Variants in TSBP1 observed in about 807,000 individuals in gnomAD.
TSBP1 encodes testis expressed basic protein 1, also known as testis-expressed basic protein 1.
A neutral mutation model predicts 68.8 loss-of-function variants in TSBP1; 56 were observed. That is an observed-to-expected ratio of 0.81 (90% CI 0.66 to 1.02). The LOEUF is 1.02. Among genes scored for constraint, TSBP1 ranks in the 50% least tolerant of loss-of-function variants. TSBP1 has a pLI of 0.00. For synonymous variants in TSBP1, 171 were observed against 208.7 expected, an observed-to-expected ratio of 0.82 and a Z score of 1.56; for missense variants, 502 against 641.2, an observed-to-expected ratio of 0.78 and a Z score of 2.34.
intron 1 of TSBP1, among the ~76,000 whole-genome samples, chr6:32,370,623 C>T (rs3117111): frequency 0.77 from 116,335 of 151,502 alleles, 44,940 homozygotes; most frequent in South Asian, 0.9. Context: ...AACCTTTCAG[C>T]CATCACTTGC....
chr6:32,327,969 T>A (rs975986270), intron 16 of TSBP1, among the ~76,000 whole-genome samples: 2 of 151,536 alleles, frequency 1.3e-5, no homozygotes, highest in African/African-American at 2.4e-5. Flanking sequence ...TTATTATTTT[T>A]TTTTTTTTGT....
At chr6:32,328,382 A>C (rs1277937894) in intron 16 of TSBP1, among the ~76,000 whole-genome samples, 1 of 148,022 alleles carries the variant, frequency 6.8e-6, no homozygotes, top group African/African-American at 2.5e-5. Flanking sequence ...TGAGTAGCTG[A>C]GATTACAGGC....
At chr6:32,320,112 T>G in intron 18 of TSBP1, 1 of 455,016 alleles carries the variant, frequency 2.2e-6, no homozygotes, top group Non-Finnish European at 4.4e-6. Context: ...CTTTTAGTAG[T>G]TTCTTATTCC....
At chr6:32,366,075 T>A (rs1362866535) in intron 6 of TSBP1, 92 bp downstream of exon 6, 1 of 1,540,230 alleles carries the variant, frequency 6.5e-7, no homozygotes, top group African/African-American at 1.4e-5. Flanking sequence ...TCTTCTTTTT[T>A]AAATTTTGGT....
chr6:32,323,046 A>G lies in TSBP1; in HGVS notation c.559+71T>C, dbSNP rs1206707669. The G allele has an allele frequency of 1.0e-5, 12 of 1,166,176 alleles. No individual in the cohort carries two copies. The East Asian group carries it at 2.8e-4, about 28-fold the overall frequency. The allele number at this position is 1,166,176 out of a possible 1,614,324, so 72.2% of individuals were successfully genotyped here. ...AAGCAAGAGAAGAATGGGAAACTCA[A>G]ATCACTTTGACAGAAGTGAAATGAA... On this transcript the variant is annotated intron_variant, in intron 18 of 22. Coordinates refer to ENST00000612031, the Ensembl canonical transcript of TSBP1.
rs1765802984 is a variant in TSBP1 at position 32,306,599 on chromosome 6, G to A, written c.581-3970C>T. On this transcript the variant is annotated intron_variant, in intron 19 of 22. Coordinates refer to ENST00000612031, the Ensembl canonical transcript of TSBP1. This position sits in a 1 kb window ranked among gnomAD's most constrained non-coding sequence, Gnocchi z 5.1. The stretch of plus-strand genomic sequence containing the variant: ...ATGTGTATCAATATTGTAAAAATCA[G>A]CACTAAAATTGTTTCCATTAGGAAG... Among the ~76,000 whole-genome samples, 1 of 152,116 alleles carries A rather than the reference G, an allele frequency of 6.6e-6. No individual in the cohort carries two copies. The highest frequency in any genetic ancestry group is 1.5e-5 in the Non-Finnish European group (1 of 68,018).
Position 32,336,686 on chromosome 6 carries a change from T to A in TSBP1, c.410-51A>T. On this transcript the variant is annotated intron_variant, in intron 11 of 22. Coordinates refer to ENST00000612031, the Ensembl canonical transcript of TSBP1. This position sits in a 1 kb window ranked among gnomAD's most constrained non-coding sequence, Gnocchi z 5.2. ...TGGTTTGACATTAATAGAATTTTCA[T>A]TTTACCAGTATTGTTTCTAAAGAAA... 6.5e-7 allele frequency: 1 copy of A among 1,548,026 alleles called. No individual in the cohort carries two copies. The highest frequency in any genetic ancestry group is 8.9e-7 in the Non-Finnish European group (1 of 1,121,538).
At chr6:32,330,466 G>A (rs753463151) in intron 16 of TSBP1, 123 bp downstream of exon 17, 57 of 807,004 alleles carry the variant, frequency 7.1e-5, no homozygotes, top group Non-Finnish European at 9.7e-5. Context: ...ATAAAAACAT[G>A]TGTAAAATAA....
At chr6:32,342,050 CTTT>C (rs10689236) in intron 9 of TSBP1, among the ~76,000 whole-genome samples, 1 of 120,304 alleles carries the variant, frequency 8.3e-6, no homozygotes, top group African/African-American at 2.8e-5. Flanking sequence ...AAAATGTGTT[CTTT>C]TTTTTTTTTT....
rs139319191 is a variant in TSBP1 at position 32,304,191 on chromosome 6, A to AAAAG, written c.581-1566_581-1563dup. On this transcript the variant is annotated intron_variant, in intron 19 of 22. Transcript: ENST00000612031. The surrounding 1 kb of genome is among the most constrained non-coding windows in gnomAD (Gnocchi z 4.8). ...AAGAAGAAAGAACGAGCGAATGAAC[A>AAAAG]AAAGAAAGAAAGAAAGAAAGACCCA... 5.3e-5 allele frequency among the ~76,000 whole-genome samples: 8 copies of AAAAG among 151,902 alleles called. No homozygotes were observed. Among genetic ancestry groups the AAAAG allele is most frequent in the African/African-American group, 7.3e-5 (3 of 41,330 alleles).
Position 32,343,483 on chromosome 6 carries a change from T to C in TSBP1, c.350-3845A>G, listed in dbSNP as rs1171165129. 6.6e-6 allele frequency among the ~76,000 whole-genome samples: 1 copy of C among 152,170 alleles called. No homozygotes were observed. Among genetic ancestry groups the C allele is most frequent in the South Asian group, 2.1e-4 (1 of 4,822 alleles). On this transcript the variant is annotated intron_variant, in intron 9 of 22. Transcript: ENST00000612031. This position sits in a 1 kb window ranked among gnomAD's most constrained non-coding sequence, Gnocchi z 4.3. ...AGGGGAATATTCAGCTTTACTATAT[T>C]TCCAATATTCTGATTTCATTCACCA... is the stretch of plus-strand genomic sequence containing the variant.
At position 32,335,403 on chromosome 6, in the gene TSBP1, A is replaced by G. The variant is rs1015657384; in HGVS notation, c.472+34T>C. 1.0e-5 allele frequency: 15 copies of G among 1,505,900 alleles called. No homozygotes were observed. Among genetic ancestry groups the G allele is most frequent in the African/African-American group, 1.4e-5 (1 of 69,100 alleles). 93.3% of individuals were successfully genotyped at this position (1,505,900 alleles called of 1,614,324 possible). A position where few individuals can be genotyped will look rare whatever the true frequency, so the allele number is the denominator to read the frequency against. ...AGATTGATGTTCTAAGTAAAGTACT[A>G]AAAGGCATTATAATTGAGAATCAGA... On this transcript the variant is annotated intron_variant, in intron 14 of 22. Transcript: ENST00000612031. The surrounding 1 kb of genome is among the most constrained non-coding windows in gnomAD (Gnocchi z 5.5).
chr6:32,308,813 A>G (rs1221229668), intron 19 of TSBP1, among the ~76,000 whole-genome samples: 1 of 152,046 alleles, frequency 6.6e-6, no homozygotes, highest in African/African-American at 2.4e-5. Flanking sequence ...TAATCAGTAC[A>G]TCTGACCTTT....
In TSBP1 at chr6:32,316,521, G is replaced by T; in HGVS notation, c.560-729C>A. ...TCTTGGTAGTCACACAGCTCTGGAT[G>T]ACAATGGCTAATTCTCTGTTAAAAG... On this transcript the variant is annotated intron_variant, in intron 18 of 22. Coordinates refer to ENST00000612031, the Ensembl canonical transcript of TSBP1. The surrounding 1 kb of genome is among the most constrained non-coding windows in gnomAD (Gnocchi z 4.5). 1 of 824,480 alleles carries T rather than the reference G, an allele frequency of 1.2e-6. No individual in the cohort carries two copies. Among genetic ancestry groups the T allele is most frequent in the Admixed American group, 2.4e-5 (1 of 41,264 alleles). 51.1% of individuals were successfully genotyped at this position (824,480 alleles called of 1,614,324 possible).
In TSBP1 at chr6:32,321,035, G is replaced by A. The variant is rs536792400; in HGVS notation, c.559+2082C>T. ...ATGATCTCATTCTTTTTTTGGCTGCGTAGTATTCCATGGTGTATATGTATC... is the reference window on the plus strand; with the variant it reads ...ATGATCTCATTCTTTTTTTGGCTGCATAGTATTCCATGGTGTATATGTATC... On this transcript the variant is annotated intron_variant, in intron 18 of 22. Transcript: ENST00000612031. The surrounding 1 kb of genome is among the most constrained non-coding windows in gnomAD (Gnocchi z 4.3). Among the ~76,000 whole-genome samples, 85 of 152,168 alleles carry A rather than the reference G, an allele frequency of 5.6e-4. No homozygotes were observed. Among genetic ancestry groups the A allele is most frequent in the Non-Finnish European group, 1.0e-3 (71 of 68,014 alleles).
intron 16 of TSBP1, chr6:32,324,548 A>G: frequency 7.0e-7 from 1 of 1,429,888 alleles, no homozygotes; most frequent in East Asian, 2.5e-5. Context: ...GCAAGAGGCC[A>G]AGATATATCT....
chr6:32,327,623 T>C (rs531465594), intron 16 of TSBP1, among the ~76,000 whole-genome samples: 2 of 152,124 alleles, frequency 1.3e-5, no homozygotes, highest in Admixed American at 6.5e-5. Flanking sequence ...CTTAAACTTA[T>C]ATGTACTTTT....
intron 8 of TSBP1, 111 bp from the exon 9 acceptor site, chr6:32,349,871 T>C: frequency 1.7e-6 from 2 of 1,146,236 alleles, no homozygotes; most frequent in Non-Finnish European, 2.7e-6. Context: ...TAGAAATGAG[T>C]CACAACTTAT....
intron 15 of TSBP1, 150 bp from the exon 17 acceptor site, chr6:32,330,759 C>T (rs1768915507): frequency 1.1e-6 from 1 of 938,596 alleles, no homozygotes; most frequent in Non-Finnish European, 1.5e-6. Flanking sequence ...CAACCTCCAC[C>T]TTCTGGGTTC....
Sources: gnomAD v4.1 joint callset for allele counts (sites outside exome capture counted in the v4.1 genomes callset) on GRCh38, gnomAD v4.1.1 for gene constraint, Gnocchi (gnomAD v3.1) non-coding constraint, MANE v1.5 for transcripts, NCBI Gene and HGNC (gene_info 2026-07-23, HGNC 2026-07-21) for gene names.